Variants in ITGA11 observed in about 807,000 individuals in gnomAD.
The protein encoded by ITGA11 is integrin subunit alpha 11.
Under a neutral mutation model 141.9 loss-of-function variants are expected in ITGA11, and 97 were observed. The ratio of observed to expected loss-of-function variants is 0.68; its 90% CI spans 0.58 to 0.81. The LOEUF (loss-of-function observed/expected upper bound fraction) is 0.81. ITGA11 is among the 30% of genes least tolerant of loss of function. The pLI is 0.00. For synonymous variants in ITGA11, 658 were observed against 624.6 expected, an observed-to-expected ratio of 1.05 and a Z score of -0.80; for missense variants, 1,387 against 1,559.2, an observed-to-expected ratio of 0.89 and a Z score of 1.86.
Position 68,307,715 on chromosome 15 carries a change from C to A in ITGA11, c.3175-19G>T. The A allele has an allele frequency of 6.4e-7, 1 of 1,572,426 alleles. No individual in the cohort carries two copies. Among genetic ancestry groups the A allele is most frequent in the South Asian group, 1.1e-5 (1 of 89,720 alleles). On this transcript the variant is annotated intron_variant, in intron 26 of 29. Transcript: ENST00000315757. The surrounding 1 kb of genome is among the most constrained non-coding windows in gnomAD (Gnocchi z 6.1). The stretch of plus-strand genomic sequence containing the variant: ...TGTGATTCTGAAAGAGAAGATGGGT[C>A]TCAGGGCTGAGCTGCTGGGCTAGGG...
At chr15:68,331,749 T>C (rs1156838478) in intron 14 of ITGA11, 110 bp downstream of exon 14, 3 of 952,870 alleles carry the variant, frequency 3.1e-6, no homozygotes, top group Non-Finnish European at 4.8e-6. Context: ...TCCGTTTCTG[T>C]GAGAGGGCCT....
chr15:68,401,542 T>C (rs1234751132), intron 2 of ITGA11, among the ~76,000 whole-genome samples: 1 of 152,208 alleles, frequency 6.6e-6, no homozygotes, highest in Non-Finnish European at 1.5e-5. Flanking sequence ...GCATGAAGTA[T>C]GGTTCACTTA....
chr15:68,427,585 C>T (rs1022509419), intron 1 of ITGA11, among the ~76,000 whole-genome samples: 10 of 152,112 alleles, frequency 6.6e-5, no homozygotes, highest in Admixed American at 1.3e-4. Flanking sequence ...TTTCACACGT[C>T]GTGTGACTCA....
intron 10 of ITGA11, among the ~76,000 whole-genome samples, chr15:68,345,673 T>C (rs972332724): frequency 3.3e-5 from 5 of 152,204 alleles, no homozygotes; most frequent in African/African-American, 1.2e-4. Context: ...CAGCAGCTGT[T>C]TGAGACCATC....
At chr15:68,404,192 G>A (rs928492405) in intron 1 of ITGA11, among the ~76,000 whole-genome samples, 2 of 151,834 alleles carry the variant, frequency 1.3e-5, no homozygotes, top group Non-Finnish European at 2.9e-5. Flanking sequence ...GAAGAGTCAG[G>A]CAACTGACAT....
chr15:68,328,044 G>A lies in ITGA11; in HGVS notation c.2068+52C>T. ...CCCAGGCTTTGAAATAGAGCAAGGT[G>A]CAGGGGGAGACTGGAGTCTGGGGGT... is the stretch of plus-strand genomic sequence containing the variant. On this transcript the variant is annotated intron_variant, in intron 16 of 29. Transcript: ENST00000315757. This position sits in a 1 kb window ranked among gnomAD's most constrained non-coding sequence, Gnocchi z 4.8. 3.2e-6 allele frequency: 5 copies of A among 1,545,740 alleles called. No individual in the cohort carries two copies. The highest frequency in any genetic ancestry group is 3.5e-6 in the Non-Finnish European group (4 of 1,138,174).
At chr15:68,392,183 G>A (rs1309450061) in intron 2 of ITGA11, among the ~76,000 whole-genome samples, 2 of 152,218 alleles carry the variant, frequency 1.3e-5, no homozygotes, top group Admixed American at 1.3e-4. Context: ...GGAAGGGATA[G>A]TCAGAGAAAG....
At chr15:68,411,860 A>T (rs1395920159) in intron 1 of ITGA11, among the ~76,000 whole-genome samples, 1 of 152,146 alleles carries the variant, frequency 6.6e-6, no homozygotes, top group African/African-American at 2.4e-5. Context: ...CACTTCTGGC[A>T]GCAACATGAG....
At position 68,380,236 on chromosome 15, in the gene ITGA11, G is replaced by T. The variant is rs140898869; in HGVS notation, c.165-10952C>A. ...CGCAGAAAAAGGAGATGGCCTGGAG[G>T]TGAAAGGACAGATACTCTTTTCTTG... On this transcript the variant is annotated intron_variant, in intron 2 of 29. Coordinates refer to ENST00000315757, the MANE Select transcript of ITGA11 (RefSeq NM_001004439.2). Among the ~76,000 whole-genome samples, 429 of 152,226 alleles carry T rather than the reference G, an allele frequency of 2.8e-3. 3 individuals are homozygous for T. Among genetic ancestry groups the T allele is most frequent in the African/African-American group, 9.9e-3 (413 of 41,520 alleles).
In ITGA11 at chr15:68,299,449, T is replaced by C. The variant is rs1394339368; in HGVS notation, c.*3610A>G. On this transcript the variant is annotated 3_prime_UTR_variant, in exon 30 of 30. Transcript: ENST00000315757. ...TTTTTTTTTAAATTATAAGAAGGAG[T>C]GCAGGATAAAAGGCTGGAACCACAT... 1.4e-5 allele frequency: 2 copies of C among 147,444 alleles called. No homozygotes were observed. Among genetic ancestry groups the C allele is most frequent in the East Asian group, 2.0e-4 (1 of 5,072 alleles). The allele number at this position is 147,444 out of a possible 1,614,324, so 9.1% of individuals were successfully genotyped here. A position where few individuals can be genotyped will look rare whatever the true frequency, so the allele number is the denominator to read the frequency against.
At chr15:68,420,419 G>T (rs1056745737) in intron 1 of ITGA11, among the ~76,000 whole-genome samples, 10 of 152,212 alleles carry the variant, frequency 6.6e-5, no homozygotes, top group African/African-American at 2.4e-4. Flanking sequence ...TCCTTTCTAA[G>T]GTTCCCCTCC....
chr15:68,413,212 A>G (rs1327180683), intron 1 of ITGA11, among the ~76,000 whole-genome samples: 2 of 152,226 alleles, frequency 1.3e-5, no homozygotes, highest in East Asian at 1.9e-4. Context: ...ACACAGTTTG[A>G]GAACTGCTCT....
At chr15:68,378,014 T>C (rs959895736) in intron 2 of ITGA11, among the ~76,000 whole-genome samples, 2 of 152,236 alleles carry the variant, frequency 1.3e-5, no homozygotes, top group African/African-American at 4.8e-5. Flanking sequence ...TAGAGAAGCA[T>C]ACTTCTGATG....
chr15:68,347,103 T>C (rs545044866), intron 10 of ITGA11, among the ~76,000 whole-genome samples: 1 of 152,332 alleles, frequency 6.6e-6, no homozygotes, highest in East Asian at 1.9e-4. Flanking sequence ...TTAAATTGCA[T>C]TTCCTTGTTG....
intron 10 of ITGA11, among the ~76,000 whole-genome samples, chr15:68,345,882 G>A (rs896116144): frequency 6.6e-5 from 10 of 152,226 alleles, no homozygotes; most frequent in East Asian, 3.8e-4. Context: ...ACTGAAAGAC[G>A]TCTGTGCTCT....
intron 21 of ITGA11, 127 bp from the exon 22 acceptor site, chr15:68,315,854 G>A: frequency 1.4e-6 from 1 of 701,120 alleles, no homozygotes; most frequent in Non-Finnish European, 2.4e-6. Flanking sequence ...GGAGCTGCTG[G>A]CTGGGAACAG....
chr15:68,421,757 T>C (rs915417731), intron 1 of ITGA11, among the ~76,000 whole-genome samples: 2 of 152,066 alleles, frequency 1.3e-5, no homozygotes, highest in African/African-American at 4.8e-5. Context: ...TGCAGACAGA[T>C]CTACGCTGAA....
Position 68,357,227 on chromosome 15 carries a change from C to T in ITGA11, c.673G>A (p.Val225Met). ...HLNDYRSVKD[V>M]VEAASHIEQR... Reference sequence around the variant, plus strand: ...TCAATGTGGCTGGCAGCTTCCACCACATCTTTTACAGACCTGTAGTCGTTG... The same window carrying T: ...TCAATGTGGCTGGCAGCTTCCACCATATCTTTTACAGACCTGTAGTCGTTG... The change falls in exon 7 of 30, where the codon GTG becomes ATG. Residue 225 changes from valine (V) to methionine (M), a missense_variant. Physicochemically the swap from Val to Met is conservative, Grantham distance 21. Transcript: ENST00000315757. The T allele has an allele frequency of 6.2e-7, 1 of 1,613,962 alleles. No individual in the cohort carries two copies. The highest frequency in any genetic ancestry group is 8.5e-7 in the Non-Finnish European group (1 of 1,179,892).
intron 20 of ITGA11, 61 bp from the exon 21 acceptor site, chr15:68,317,424 G>A (rs1246633436): frequency 8.5e-7 from 1 of 1,182,302 alleles, no homozygotes; most frequent in African/African-American, 1.5e-5. Flanking sequence ...CAGGTCTCGA[G>A]GCTCCCTCAC....
Sources: allele counts gnomAD v4.1 joint callset (sites outside exome capture counted in the v4.1 genomes callset), GRCh38; gene constraint gnomAD v4.1.1; non-coding constraint Gnocchi (gnomAD v3.1); transcripts MANE v1.5; gene names NCBI Gene and HGNC (gene_info 2026-07-23, HGNC 2026-07-21).